The following PHTF2 variants were observed in gnomAD, a reference collection of about 807,000 sequenced individuals.
The protein encoded by PHTF2 is putative homeodomain transcription factor 2.
A neutral mutation model predicts 101.2 loss-of-function variants in PHTF2; 60 were observed. That is an observed-to-expected ratio of 0.59 (90% CI 0.48 to 0.73). The LOEUF (loss-of-function observed/expected upper bound fraction) is 0.73. Among genes scored for constraint, PHTF2 ranks in the 30% least tolerant of loss-of-function variants. The pLI is 0.00. For missense variants in PHTF2, 747 were observed against 908.7 expected (o/e 0.82, Z 2.29); for synonymous variants, 311 against 307.3 (o/e 1.01, Z -0.13).
chr7:77,942,700 C>T (rs1584781140), exon 16 of PHTF2: 4 of 1,572,678 alleles, frequency 2.5e-6, no homozygotes, highest in Non-Finnish European at 3.5e-6. Context: ...CACCCTGCAG[C>T]GTCGAGGTCC....
At chr7:77,915,318 A>G (rs1373866255) in intron 9 of PHTF2, among the ~76,000 whole-genome samples, 1 of 151,924 alleles carries the variant, frequency 6.6e-6, no homozygotes, top group Non-Finnish European at 1.5e-5. Flanking sequence ...TCCCGGGTTC[A>G]AGTGATTCTT....
chr7:77,801,498 A>AT (rs1367330249), intron 1 of PHTF2, among the ~76,000 whole-genome samples: 1 of 152,210 alleles, frequency 6.6e-6, no homozygotes, highest in Non-Finnish European at 1.5e-5. Flanking sequence ...ATACAGGAGA[A>AT]TCGCTTGAAC....
chr7:77,954,610 G>GTGTGTATATA (rs1554397898), intron 19 of PHTF2, among the ~76,000 whole-genome samples: 1 of 82,534 alleles, frequency 1.2e-5, no homozygotes, highest in African/African-American at 6.6e-5. Context: ...AACAAGTACT[G>GTGTGTATATA]TGTATATATA....
At chr7:77,876,359 C>T (rs1289319498) in intron 3 of PHTF2, among the ~76,000 whole-genome samples, 2 of 152,074 alleles carry the variant, frequency 1.3e-5, no homozygotes, top group African/African-American at 4.8e-5. Context: ...CTGACTAGGT[C>T]GATTTTGGTC....
At chr7:77,927,243 AAGAG>A (rs922237234) in intron 11 of PHTF2, among the ~76,000 whole-genome samples, 15 of 149,740 alleles carry the variant, frequency 1.0e-4, no homozygotes, top group African/African-American at 3.7e-4. Flanking sequence ...CATACACATA[AAGAG>A]AGAGATTGAT....
intron 11 of PHTF2, 42 bp from the exon 11 acceptor site, chr7:77,929,067 G>A (rs1274331731): frequency 1.4e-6 from 2 of 1,406,964 alleles, no homozygotes; most frequent in South Asian, 1.2e-5. Context: ...GTTGGAAAGA[G>A]TACATAAATT....
At chr7:77,808,431 C>A (rs1174188246) in intron 1 of PHTF2, among the ~76,000 whole-genome samples, 2 of 152,148 alleles carry the variant, frequency 1.3e-5, no homozygotes, top group Non-Finnish European at 2.9e-5. Context: ...GATTCTGTCT[C>A]CTCATCATGA....
intron 2 of PHTF2, among the ~76,000 whole-genome samples, chr7:77,847,908 G>A (rs1476019480): frequency 6.6e-6 from 1 of 152,024 alleles, no homozygotes; most frequent in African/African-American, 2.4e-5. Flanking sequence ...ACATTTTCAT[G>A]AGTTCAATTC....
intron 3 of PHTF2, among the ~76,000 whole-genome samples, chr7:77,859,015 G>C (rs989996400): frequency 6.6e-6 from 1 of 152,138 alleles, no homozygotes; most frequent in Non-Finnish European, 1.5e-5. Flanking sequence ...GGGAAAAACT[G>C]TTCTCTGCTT....
intron 1 of PHTF2, among the ~76,000 whole-genome samples, chr7:77,836,467 C>T (rs1261232328): frequency 1.3e-5 from 2 of 152,202 alleles, no homozygotes; most frequent in African/African-American, 4.8e-5. Context: ...CTTTTCCCAC[C>T]ACCCTGGTCT....
chr7:77,860,720 CT>C (rs1238617375), intron 3 of PHTF2, among the ~76,000 whole-genome samples: 3 of 151,308 alleles, frequency 2.0e-5, no homozygotes, highest in Admixed American at 6.6e-5. Context: ...GTTAATTGCT[CT>C]TTTTTTTTGA....
rs186176668 is a variant in PHTF2, at chr7:77,814,414, A to G, written c.-36+15443A>G. Among the ~76,000 whole-genome samples the G allele has an allele frequency of 4.9e-4, 75 of 152,294 alleles. No homozygotes were observed. The East Asian group carries it at 0.013, about 26-fold the overall frequency. ...CAACAGCACTATAATTCATGTCTGA[A>G]TGAAACTTACCTAACACAGTATTTT... On this transcript the variant is annotated intron_variant, in intron 1 of 19. Transcript: ENST00000416283.
At chr7:77,830,136 G>T (rs1794970276) in intron 1 of PHTF2, among the ~76,000 whole-genome samples, 2 of 152,150 alleles carry the variant, frequency 1.3e-5, no homozygotes, top group Admixed American at 6.5e-5. Flanking sequence ...CAAAGAACGT[G>T]TGGGTGGGAG....
At chr7:77,886,837 A>G (rs1039833003) in intron 3 of PHTF2, among the ~76,000 whole-genome samples, 2 of 152,060 alleles carry the variant, frequency 1.3e-5, no homozygotes, top group Admixed American at 1.3e-4. Context: ...TGAGCCCAAG[A>G]GTTCAAGGCC....
Position 77,930,184 on chromosome 7 carries a change from C to T in PHTF2, c.1338+857C>T, listed in dbSNP as rs535268494. Among the ~76,000 whole-genome samples, 621 of 152,068 alleles carry T rather than the reference C, an allele frequency of 4.1e-3. 6 individuals carry two copies. Among genetic ancestry groups the T allele is most frequent in the Non-Finnish European group, 7.4e-3 (502 of 67,986 alleles). On this transcript the variant is annotated intron_variant, in intron 12 of 19. Transcript: ENST00000416283. ...GGCCAGGCTGGTCTCGAACTCCTGA[C>T]CTCAAGTGATTCTCCCACCTCAGCC...
chr7:77,919,225 C>T (rs747732715), intron 9 of PHTF2, among the ~76,000 whole-genome samples: 40 of 152,136 alleles, frequency 2.6e-4, no homozygotes, highest in Non-Finnish European at 4.9e-4. Flanking sequence ...AGGTCCTGCT[C>T]AGTTCTAAAA....
At chr7:77,829,832 A>G (rs867479826) in intron 1 of PHTF2, among the ~76,000 whole-genome samples, 10 of 152,184 alleles carry the variant, frequency 6.6e-5, no homozygotes, top group African/African-American at 2.2e-4. Flanking sequence ...AATATGTAAA[A>G]CCTTTTAAAT....
chr7:77,885,646 T>A (rs1283180526), intron 3 of PHTF2, among the ~76,000 whole-genome samples: 1 of 152,174 alleles, frequency 6.6e-6, no homozygotes, highest in Non-Finnish European at 1.5e-5. Context: ...GGTTTCACCA[T>A]GTTGGCCAGG....
At chr7:77,823,731 G>A (rs1292822792) in intron 1 of PHTF2, among the ~76,000 whole-genome samples, 1 of 151,882 alleles carries the variant, frequency 6.6e-6, no homozygotes, top group Admixed American at 6.5e-5. Context: ...AGAATGTAAG[G>A]TATGTGTAGC....
Sources: gnomAD v4.1 joint callset for allele counts (sites outside exome capture counted in the v4.1 genomes callset) on GRCh38, gnomAD v4.1.1 for gene constraint, MANE v1.5 for transcripts, NCBI Gene and HGNC (gene_info 2026-07-23, HGNC 2026-07-21) for gene names.